The following KIF26B variants were observed in gnomAD, a reference collection of about 807,000 sequenced individuals.
The protein encoded by KIF26B is kinesin-like protein KIF26B.
In KIF26B, 63 loss-of-function variants were observed where a neutral mutation model predicts 151.2. The ratio of observed to expected loss-of-function variants is 0.42; its 90% CI spans 0.34 to 0.51. The LOEUF (loss-of-function observed/expected upper bound fraction) is 0.51. KIF26B is among the 20% of genes least tolerant of loss of function. KIF26B has a pLI of 0.07. For missense variants in KIF26B, 2,813 were observed against 2,913.6 expected, an observed-to-expected ratio of 0.97 and a Z score of 0.79; for synonymous variants, 1,357 against 1,262.1, an observed-to-expected ratio of 1.08 and a Z score of -1.59.
chr1:245,672,851 A>C (rs2044305248), intron 10 of KIF26B, among the ~76,000 whole-genome samples: 1 of 151,968 alleles, frequency 6.6e-6, no homozygotes, highest in Non-Finnish European at 1.5e-5. Context: ...GTAATACTGT[A>C]TTGTATCTCT....
chr1:245,204,529 A>G (rs1669361660), intron 2 of KIF26B, among the ~76,000 whole-genome samples: 2 of 152,036 alleles, frequency 1.3e-5, no homozygotes, highest in South Asian at 4.1e-4. Context: ...GCCCGCCACC[A>G]TGCCCAGCTA....
At chr1:245,287,615 C>T (rs537834648) in intron 2 of KIF26B, among the ~76,000 whole-genome samples, 4 of 151,898 alleles carry the variant, frequency 2.6e-5, no homozygotes, top group East Asian at 1.9e-4. Flanking sequence ...GTGATGCTCC[C>T]GCCTCAGCCT....
Position 245,564,057 on chromosome 1 carries a change from G to A in KIF26B, c.1350+23107G>A, listed in dbSNP as rs546294079. ...GCTCGTGAACAGCTAAGCAGGTCAC[G>A]CTGAGCTCGACACAGTCCAATCCCA... is the stretch of plus-strand genomic sequence containing the variant. On this transcript the variant is annotated intron_variant, in intron 5 of 14. Coordinates refer to ENST00000407071, the MANE Select transcript of KIF26B (RefSeq NM_018012.4). This position sits in a 1 kb window ranked among gnomAD's most constrained non-coding sequence, Gnocchi z 4.6. Among the ~76,000 whole-genome samples the A allele has an allele frequency of 1.3e-5, 2 of 152,218 alleles. No homozygotes were observed. Among genetic ancestry groups the A allele is most frequent in the African/African-American group, 4.8e-5 (2 of 41,526 alleles).
At chr1:245,410,416 C>T (rs573877018) in intron 3 of KIF26B, among the ~76,000 whole-genome samples, 16 of 152,250 alleles carry the variant, frequency 1.1e-4, no homozygotes, top group Non-Finnish European at 2.1e-4. Context: ...AAGTTGAGAA[C>T]AAGTAACACT....
intron 4 of KIF26B, among the ~76,000 whole-genome samples, chr1:245,531,766 T>C (rs1221770380): frequency 6.6e-6 from 1 of 152,190 alleles, no homozygotes; most frequent in Admixed American, 6.5e-5. Context: ...TCAAGCACCC[T>C]GTCATTAAGC....
In KIF26B at chr1:245,293,379, G is replaced by T. The variant is rs1355070578; in HGVS notation, c.466-73455G>T. On this transcript the variant is annotated intron_variant, in intron 2 of 14. Transcript: ENST00000407071. Reference sequence around the variant, plus strand: ...TGGACCCTTGCAGGGCATGGATTTGGTCAGGTATGGGGAACAAATGACCAG... The same window carrying T: ...TGGACCCTTGCAGGGCATGGATTTGTTCAGGTATGGGGAACAAATGACCAG... Among the ~76,000 whole-genome samples, 4 of 151,962 alleles carry T rather than the reference G, an allele frequency of 2.6e-5. No individual in the cohort carries two copies. In the East Asian group the frequency reaches 7.7e-4, roughly 29 times the overall value.
At chr1:245,449,542 C>A (rs937077121) in intron 4 of KIF26B, among the ~76,000 whole-genome samples, 2 of 152,142 alleles carry the variant, frequency 1.3e-5, no homozygotes, top group African/African-American at 4.8e-5. Flanking sequence ...ATTTGTGTCA[C>A]CTTCTCTGTG....
chr1:245,607,875 C>T (rs1354971192), intron 7 of KIF26B, 131 bp downstream of exon 7: 2 of 679,418 alleles, frequency 2.9e-6, no homozygotes, highest in Non-Finnish European at 5.0e-6. Context: ...AGCTGAATAA[C>T]CAATAACAAG....
chr1:245,343,835 A>C (rs1324680066), intron 2 of KIF26B, among the ~76,000 whole-genome samples: 3 of 152,258 alleles, frequency 2.0e-5, no homozygotes, highest in Non-Finnish European at 4.4e-5. Flanking sequence ...TGAAAGACAG[A>C]AAACAAATAA....
chr1:245,374,138 TGG>T (rs1185865212), intron 3 of KIF26B, among the ~76,000 whole-genome samples: 5 of 88,354 alleles, frequency 5.7e-5, no homozygotes, highest in African/African-American at 2.0e-4. Flanking sequence ...TATATATATA[TGG>T]GCACAAAAGG....
chr1:245,213,157 G>GA (rs1316367913), intron 2 of KIF26B, among the ~76,000 whole-genome samples: 2 of 152,132 alleles, frequency 1.3e-5, no homozygotes, highest in Non-Finnish European at 2.9e-5. Flanking sequence ...AGATTTTTAA[G>GA]AATGAACCTC....
intron 10 of KIF26B, among the ~76,000 whole-genome samples, chr1:245,664,444 TTTTTTTTTTC>T (rs2044191598): frequency 6.6e-6 from 1 of 150,952 alleles, no homozygotes; most frequent in African/African-American, 2.4e-5. Flanking sequence ...GCTCCTTTGC[TTTTTTTTTTC>T]TCCTGTTACA....
chr1:245,685,569 C>T lies in KIF26B; in HGVS notation c.2586C>T (p.Cys862=), dbSNP rs756659099. ...ACTCCTCCAGCAGCGAGCAGTCCTGCGACACCGTCATCTACATCGGGCCCA... is the reference window on the plus strand; with the variant it reads ...ACTCCTCCAGCAGCGAGCAGTCCTGTGACACCGTCATCTACATCGGGCCCA... ...PDYSSSSEQS[C]DTVIYIGPNG... Residue 862 remains cysteine (C), a synonymous_variant, in exon 12 of 15, where the codon TGC becomes TGT. Coordinates refer to ENST00000407071, the MANE Select transcript of KIF26B (RefSeq NM_018012.4). 3.1e-5 allele frequency: 50 copies of T among 1,613,730 alleles called. No homozygotes were observed. Among genetic ancestry groups the T allele is most frequent in the Middle Eastern group, 3.3e-4 (2 of 6,084 alleles).
intron 4 of KIF26B, among the ~76,000 whole-genome samples, chr1:245,448,664 T>C (rs1183402041): frequency 1.3e-5 from 2 of 152,234 alleles, no homozygotes; most frequent in African/African-American, 4.8e-5. Context: ...CTTGCAGCTC[T>C]TTCCACATGG....
chr1:245,287,660 C>T lies in KIF26B; in HGVS notation c.466-79174C>T, dbSNP rs548230872. ...CTGGGATTACAGGCATGCGTCACCA[C>T]GCCCGGCTAATTTTGTATTTTTATT... is the stretch of plus-strand genomic sequence containing the variant. On this transcript the variant is annotated intron_variant, in intron 2 of 14. Coordinates refer to ENST00000407071, the MANE Select transcript of KIF26B (RefSeq NM_018012.4). Among the ~76,000 whole-genome samples the T allele has an allele frequency of 5.3e-5, 8 of 152,162 alleles. No homozygotes were observed. The East Asian group carries it at 7.7e-4, about 15-fold the overall frequency.
In KIF26B at chr1:245,158,852, GT is replaced by G. The variant is rs1558328530; in HGVS notation, c.465+2170del. Among the ~76,000 whole-genome samples the G allele has an allele frequency of 4.3e-4, 14 of 32,772 alleles. No homozygotes were observed. The East Asian group carries it at 0.013, about 31-fold the overall frequency. The allele number at this position is 32,772 out of a possible 152,430, so 21.5% of individuals were successfully genotyped here. On this transcript the variant is annotated intron_variant, in intron 2 of 14. Transcript: ENST00000407071. ...GTGAATAATAATTGTGTGTGTGTGTGTGTGTGTGTGTGTGTGTGGTGTGTGT... is the reference window on the plus strand; with the variant it reads ...GTGAATAATAATTGTGTGTGTGTGTGGTGTGTGTGTGTGTGTGGTGTGTGT...
At chr1:245,207,926 T>A (rs939463903) in intron 2 of KIF26B, among the ~76,000 whole-genome samples, 2 of 152,190 alleles carry the variant, frequency 1.3e-5, no homozygotes, top group Non-Finnish European at 2.9e-5. Flanking sequence ...GGAGGGAGTA[T>A]CAGAGAAGAG....
At position 245,515,774 on chromosome 1, in the gene KIF26B, T is replaced by G. The variant is rs76074161; in HGVS notation, c.1167-24993T>G. On this transcript the variant is annotated intron_variant, in intron 4 of 14. Coordinates refer to ENST00000407071, the MANE Select transcript of KIF26B (RefSeq NM_018012.4). ...GTTGAAACTGTGAGCAACAAAACTTTTCATTGCAGAATGACAGGTAAGATT... is the reference window on the plus strand; with the variant it reads ...GTTGAAACTGTGAGCAACAAAACTTGTCATTGCAGAATGACAGGTAAGATT... Among the ~76,000 whole-genome samples the G allele has an allele frequency of 9.3e-3, 1,413 of 152,310 alleles. 24 individuals carry two copies. Among genetic ancestry groups the G allele is most frequent in the African/African-American group, 0.033 (1,363 of 41,570 alleles).
chr1:245,434,893 A>C (rs1289946241), intron 4 of KIF26B, among the ~76,000 whole-genome samples: 1 of 152,060 alleles, frequency 6.6e-6, no homozygotes, highest in Non-Finnish European at 1.5e-5. Context: ...CCTCCCAGTT[A>C]ACCTACCAGC....
Sources: allele counts gnomAD v4.1 joint callset (sites outside exome capture counted in the v4.1 genomes callset), GRCh38; gene constraint gnomAD v4.1.1; non-coding constraint Gnocchi (gnomAD v3.1); transcripts MANE v1.5; gene names NCBI Gene and HGNC (gene_info 2026-07-23, HGNC 2026-07-21).